The following EYS variants were observed in gnomAD, a reference collection of about 807,000 sequenced individuals.
The protein encoded by EYS is EGF-like photoreceptor maintenance factor, also known as protein eyes shut homolog.
In EYS, 250 loss-of-function variants were observed where a neutral mutation model predicts 282.1. The ratio of observed to expected loss-of-function variants is 0.89; its 90% CI spans 0.80 to 0.98. EYS has a LOEUF of 0.98. Ranked by LOEUF, EYS falls within the 50% of genes least tolerant of loss-of-function variation. EYS has a pLI of 0.00. For synonymous variants in EYS, 1,355 were observed against 1,282.9 expected, an observed-to-expected ratio of 1.06 and a Z score of -1.20; for missense variants, 4,016 against 3,709.0, an observed-to-expected ratio of 1.08 and a Z score of -2.15.
intron 11 of EYS, among the ~76,000 whole-genome samples, chr6:65,327,869 T>C (rs1363192700): frequency 6.6e-6 from 1 of 151,444 alleles, no homozygotes; most frequent in Non-Finnish European, 1.5e-5. Flanking sequence ...TATTAGACAC[T>C]CAAGTAGGAT....
rs576390498 is a variant in EYS, at chr6:65,169,430, A to G, written c.2024-111703T>C. On this transcript the variant is annotated intron_variant, in intron 12 of 42. Coordinates refer to ENST00000503581, the MANE Select transcript of EYS (RefSeq NM_001142800.2). ...ATCTAAAATGTTTAAAAATAAAAATACAAATATATGTATTACGTTCTATTT... is the reference window on the plus strand; with the variant it reads ...ATCTAAAATGTTTAAAAATAAAAATGCAAATATATGTATTACGTTCTATTT... Among the ~76,000 whole-genome samples the G allele has an allele frequency of 7.9e-5, 12 of 151,644 alleles. No individual in the cohort carries two copies. In the South Asian group the frequency reaches 2.5e-3, roughly 31 times the overall value.
chr6:65,555,298 T>C (rs1342264223), intron 2 of EYS, among the ~76,000 whole-genome samples: 1 of 152,174 alleles, frequency 6.6e-6, no homozygotes, highest in African/African-American at 2.4e-5. Context: ...TCTACTTTAA[T>C]AGATTTATAA....
chr6:65,321,527 A>G (rs1769476326), intron 11 of EYS, among the ~76,000 whole-genome samples: 1 of 152,076 alleles, frequency 6.6e-6, no homozygotes. Flanking sequence ...AGAAGATAAT[A>G]TCCTCAAGTT....
chr6:64,810,855 T>C (rs1047849814), intron 22 of EYS, among the ~76,000 whole-genome samples: 3 of 152,020 alleles, frequency 2.0e-5, no homozygotes, highest in Non-Finnish European at 4.4e-5. Flanking sequence ...ACTTTTACTA[T>C]GATTGGCATA....
intron 35 of EYS, among the ~76,000 whole-genome samples, chr6:63,879,677 T>A (rs1773076568): frequency 6.6e-6 from 1 of 152,354 alleles, no homozygotes. Context: ...TTTGGTTAGC[T>A]TCTTGGGAAT....
At chr6:65,271,649 C>A (rs1187089632) in intron 12 of EYS, among the ~76,000 whole-genome samples, 1 of 151,970 alleles carries the variant, frequency 6.6e-6, no homozygotes, top group Non-Finnish European at 1.5e-5. Flanking sequence ...GTGGTATGAT[C>A]TCGGCTCACT....
rs564203702 is a variant in EYS at position 64,964,474 on chromosome 6, T to A, written c.2260-18560A>T. On this transcript the variant is annotated intron_variant, in intron 14 of 42. Coordinates refer to ENST00000503581, the MANE Select transcript of EYS (RefSeq NM_001142800.2). ...TTAAAATGTCATATGTTAAATTACA[T>A]TTTTCTTTCCTGTCCACTGAGATAA... 2.0e-5 allele frequency among the ~76,000 whole-genome samples: 3 copies of A among 152,278 alleles called. No homozygotes were observed. In the South Asian group the frequency reaches 6.2e-4, roughly 32 times the overall value.
chr6:65,473,944 G>C (rs1765308461), intron 5 of EYS, among the ~76,000 whole-genome samples: 1 of 151,894 alleles, frequency 6.6e-6, no homozygotes, highest in Admixed American at 6.6e-5. Context: ...TGAGGTTCTT[G>C]GGACTTTTGT....
At chr6:64,930,461 TAAAAAA>T (rs55650031) in intron 15 of EYS, among the ~76,000 whole-genome samples, 3,522 of 123,030 alleles carry the variant, frequency 0.029, 139 homozygotes, top group African/African-American at 0.1. Context: ...ATAAATAAGG[TAAAAAA>T]AAAAAAAAAA....
At chr6:64,720,752 A>G (rs1771550817) in intron 22 of EYS, among the ~76,000 whole-genome samples, 1 of 152,208 alleles carries the variant, frequency 6.6e-6, no homozygotes, top group South Asian at 2.1e-4. Flanking sequence ...GTTGTTCTAC[A>G]AACAACACAC....
At chr6:64,099,105 G>C (rs182096366) in intron 31 of EYS, among the ~76,000 whole-genome samples, 1 of 152,196 alleles carries the variant, frequency 6.6e-6, no homozygotes, top group Admixed American at 6.5e-5. Context: ...CATCATTCCA[G>C]TGAAACAACT....
chr6:65,118,816 G>T (rs114426644), intron 12 of EYS, among the ~76,000 whole-genome samples: 18 of 151,800 alleles, frequency 1.2e-4, no homozygotes, highest in Admixed American at 4.6e-4. Flanking sequence ...ATTGTAGTGG[G>T]GTGACCAGTT....
intron 13 of EYS, among the ~76,000 whole-genome samples, chr6:65,035,859 A>C: frequency 6.7e-6 from 1 of 148,280 alleles, no homozygotes; most frequent in African/African-American, 2.4e-5. Context: ...AACTACTAAT[A>C]ATTTGTATTA....
intron 26 of EYS, among the ~76,000 whole-genome samples, chr6:64,467,619 C>G (rs1216589742): frequency 6.6e-6 from 1 of 152,120 alleles, no homozygotes; most frequent in Non-Finnish European, 1.5e-5. Context: ...TTATTACCAC[C>G]ACTGAAGACA....
chr6:64,388,663 A>C (rs930169804), intron 29 of EYS, 27 bp downstream of exon 29: 12 of 1,420,516 alleles, frequency 8.4e-6, no homozygotes, highest in Non-Finnish European at 1.1e-5. Flanking sequence ...TTCAATAATT[A>C]ATATTTTAAA....
chr6:65,577,140 C>T (rs1279502339), intron 2 of EYS, among the ~76,000 whole-genome samples: 5 of 151,608 alleles, frequency 3.3e-5, no homozygotes, highest in Non-Finnish European at 7.4e-5. Context: ...AAGAACAAAG[C>T]CAGATATATC....
chr6:64,277,500 G>A (rs560438322), intron 30 of EYS, among the ~76,000 whole-genome samples: 27 of 152,156 alleles, frequency 1.8e-4, no homozygotes, highest in Middle Eastern at 3.4e-3. Context: ...TATCCATAGC[G>A]CAGGAGACTT....
chr6:64,148,709 A>G (rs988103190), intron 31 of EYS, among the ~76,000 whole-genome samples: 1 of 151,918 alleles, frequency 6.6e-6, no homozygotes, highest in Non-Finnish European at 1.5e-5. Context: ...CTTTGTTTCT[A>G]TTTTTCTTGC....
At chr6:64,460,041 G>A (rs1312447898) in intron 26 of EYS, among the ~76,000 whole-genome samples, 2 of 151,342 alleles carry the variant, frequency 1.3e-5, no homozygotes, top group African/African-American at 4.9e-5. Context: ...TTCAAATTTT[G>A]GATGGAGCCC....
Sources: gnomAD v4.1 joint callset for allele counts (sites outside exome capture counted in the v4.1 genomes callset) on GRCh38, gnomAD v4.1.1 for gene constraint, MANE v1.5 for transcripts, NCBI Gene and HGNC (gene_info 2026-07-23, HGNC 2026-07-21) for gene names.